The following PPM1E variants were observed in gnomAD, a reference collection of about 807,000 sequenced individuals.
PPM1E encodes the protein protein phosphatase, Mg2+/Mn2+ dependent 1E, also known as protein phosphatase 1E.
Under a neutral mutation model 65.9 loss-of-function variants are expected in PPM1E, and 20 were observed. That is an observed-to-expected ratio of 0.30 (90% CI 0.21 to 0.44). The LOEUF is 0.44. Ranked by LOEUF, PPM1E falls within the 20% of genes least tolerant of loss-of-function variation. The probability of loss-of-function intolerance (pLI) is 1.00; values close to 1 mark genes in which losing one functional copy is unlikely to be tolerated. For missense variants in PPM1E, 713 were observed against 953.1 expected, an observed-to-expected ratio of 0.75 and a Z score of 3.32; for synonymous variants, 352 against 374.9, an observed-to-expected ratio of 0.94 and a Z score of 0.70.
At chr17:58,920,773 T>TA (rs570545757) in intron 1 of PPM1E, among the ~76,000 whole-genome samples, 138 of 152,198 alleles carry the variant, frequency 9.1e-4, no homozygotes, top group African/African-American at 3.3e-3. Context: ...ACCAGAAACA[T>TA]ACAATGGGAG....
intron 1 of PPM1E, among the ~76,000 whole-genome samples, chr17:58,887,022 T>A (rs2051273942): frequency 6.6e-6 from 1 of 152,202 alleles, no homozygotes; most frequent in Non-Finnish European, 1.5e-5. Flanking sequence ...ACACTTTAAA[T>A]TATAAAAATG....
chr17:58,943,367 G>A (rs1212319594), intron 1 of PPM1E, among the ~76,000 whole-genome samples: 2 of 151,914 alleles, frequency 1.3e-5, no homozygotes, highest in African/African-American at 2.4e-5. Flanking sequence ...CGAATAAACC[G>A]CCAATCTTGT....
chr17:58,912,274 C>G (rs2143507483), intron 1 of PPM1E, among the ~76,000 whole-genome samples: 1 of 152,188 alleles, frequency 6.6e-6, no homozygotes, highest in East Asian at 1.9e-4. Context: ...GCCTCCAAAC[C>G]AAGGACAAGG....
chr17:58,844,014 C>T (rs1381301092), intron 1 of PPM1E, among the ~76,000 whole-genome samples: 1 of 152,090 alleles, frequency 6.6e-6, no homozygotes, highest in African/African-American at 2.4e-5. Flanking sequence ...TTGTCACATA[C>T]CTTTCTATAC....
Position 58,787,938 on chromosome 17 carries a change from A to G in PPM1E, c.464+31477A>G, listed in dbSNP as rs555970046. Among the ~76,000 whole-genome samples, 14 of 151,838 alleles carry G rather than the reference A, an allele frequency of 9.2e-5. No homozygotes were observed. In the South Asian group the frequency reaches 2.7e-3, roughly 29 times the overall value. On this transcript the variant is annotated intron_variant, in intron 1 of 6. Coordinates refer to ENST00000308249, the MANE Select transcript of PPM1E (RefSeq NM_014906.5). ...AAAAAAAAAGAAAAGAAAGAAAAAA[A>G]TGGTTTTGGCCGTGTTCAGAGTTTT...
At chr17:58,853,494 AT>A (rs1474452810) in intron 1 of PPM1E, among the ~76,000 whole-genome samples, 2 of 152,140 alleles carry the variant, frequency 1.3e-5, no homozygotes, top group Non-Finnish European at 2.9e-5. Flanking sequence ...TGTCAGTACT[AT>A]TCTGCCTTGA....
At chr17:58,943,724 G>A (rs1365449073) in intron 1 of PPM1E, among the ~76,000 whole-genome samples, 11 of 152,090 alleles carry the variant, frequency 7.2e-5, no homozygotes, top group Non-Finnish European at 5.9e-5. Flanking sequence ...CTGTGGATGG[G>A]GCCCAGCAAT....
At chr17:58,967,188 T>G (rs2030305371) in intron 3 of PPM1E, among the ~76,000 whole-genome samples, 1 of 152,174 alleles carries the variant, frequency 6.6e-6, no homozygotes, top group Non-Finnish European at 1.5e-5. Context: ...TAATAAATTT[T>G]CACACTCTTT....
intron 1 of PPM1E, among the ~76,000 whole-genome samples, chr17:58,948,900 A>AT (rs912592510): frequency 1.2e-4 from 18 of 152,190 alleles, no homozygotes; most frequent in Non-Finnish European, 2.2e-4. Flanking sequence ...AATTAAAAAA[A>AT]TTTTTTTAGC....
intron 1 of PPM1E, among the ~76,000 whole-genome samples, chr17:58,864,147 C>G (rs1008039574): frequency 6.6e-6 from 1 of 150,566 alleles, no homozygotes; most frequent in Non-Finnish European, 1.5e-5. Context: ...GAGACCCTGT[C>G]TCAAAAAAAA....
intron 1 of PPM1E, among the ~76,000 whole-genome samples, chr17:58,937,429 A>G (rs1439135013): frequency 1.3e-5 from 2 of 149,906 alleles, no homozygotes; most frequent in South Asian, 4.2e-4. Flanking sequence ...ACGCCCATCT[A>G]ATTTTTGTAT....
intron 1 of PPM1E, among the ~76,000 whole-genome samples, chr17:58,894,640 A>G (rs1447522470): frequency 6.6e-6 from 1 of 152,206 alleles, no homozygotes; most frequent in Non-Finnish European, 1.5e-5. Context: ...CAGGAGCTTC[A>G]TTGATCTTTC....
rs556148323 is a variant in PPM1E, at chr17:58,854,273, A to G, written c.464+97812A>G. On this transcript the variant is annotated intron_variant, in intron 1 of 6. Transcript: ENST00000308249. ...ACTTTGTATCCTGCCATTTTGATGA[A>G]TTTATTAGTTCTAATAGGTGTGTGT... 3.8e-4 allele frequency among the ~76,000 whole-genome samples: 58 copies of G among 152,230 alleles called. No homozygotes were observed. In the South Asian group the frequency reaches 6.0e-3, roughly 16 times the overall value.
At chr17:58,837,856 GCT>G (rs1184915171) in intron 1 of PPM1E, among the ~76,000 whole-genome samples, 1 of 152,156 alleles carries the variant, frequency 6.6e-6, no homozygotes, top group Non-Finnish European at 1.5e-5. Flanking sequence ...AATGTAGTGT[GCT>G]GTTTATAAAA....
At chr17:58,831,538 G>C (rs1177451704) in intron 1 of PPM1E, among the ~76,000 whole-genome samples, 2 of 152,204 alleles carry the variant, frequency 1.3e-5, no homozygotes, top group African/African-American at 4.8e-5. Flanking sequence ...TTGTTTGGTT[G>C]CATGGGAGTT....
intron 1 of PPM1E, among the ~76,000 whole-genome samples, chr17:58,795,674 A>G (rs1453645024): frequency 1.3e-5 from 2 of 152,242 alleles, no homozygotes; most frequent in African/African-American, 4.8e-5. Flanking sequence ...ACTGCACTGT[A>G]GCTTGGGAGA....
chr17:58,906,500 G>A (rs1012611062), intron 1 of PPM1E, among the ~76,000 whole-genome samples: 1 of 151,984 alleles, frequency 6.6e-6, no homozygotes, highest in Admixed American at 6.6e-5. Flanking sequence ...CACCTGTCCA[G>A]CTAATTTTTG....
In PPM1E at chr17:58,972,909, G is replaced by A. The variant is rs772906868; in HGVS notation, c.1194G>A (p.Ser398=). The A allele has an allele frequency of 2.5e-6, 4 of 1,612,528 alleles. No individual in the cohort carries two copies. The highest frequency in any genetic ancestry group is 3.3e-5 in the Admixed American group (2 of 59,932). ...CCTGGAGGGTGAATGGAAGTCTGTCGGTTTCCAGAGCTATTGGTAGGAAAA... is the reference window on the plus strand; with the variant it reads ...CCTGGAGGGTGAATGGAAGTCTGTCAGTTTCCAGAGCTATTGGTAGGAAAA... ...FGAWRVNGSL[S]VSRAIGDAEH... is the part of the protein sequence containing the mutation. The change falls in exon 6 of 7, where the codon TCG becomes TCA. Residue 398 remains serine, a synonymous_variant. Transcript: ENST00000308249.
At chr17:58,940,219 A>C (rs1483850949) in intron 1 of PPM1E, among the ~76,000 whole-genome samples, 1 of 152,234 alleles carries the variant, frequency 6.6e-6, no homozygotes, top group Non-Finnish European at 1.5e-5. Flanking sequence ...ATTCTCTTCA[A>C]ATGACAAGCA....
Sources: allele counts gnomAD v4.1 joint callset (sites outside exome capture counted in the v4.1 genomes callset), GRCh38; gene constraint gnomAD v4.1.1; transcripts MANE v1.5; gene names NCBI Gene and HGNC (gene_info 2026-07-23, HGNC 2026-07-21).